The following PTPRN2 variants were observed in gnomAD, a reference collection of about 807,000 sequenced individuals.
PTPRN2 encodes receptor-type tyrosine-protein phosphatase N2.
In PTPRN2, 74 loss-of-function variants were observed where a neutral mutation model predicts 118.8. That is an observed-to-expected ratio of 0.62 (90% confidence interval 0.52 to 0.76). PTPRN2 has a LOEUF of 0.76. Among genes scored for constraint, PTPRN2 ranks in the 30% least tolerant of loss-of-function variants. The pLI is 0.00. For missense variants in PTPRN2, 1,481 were observed against 1,394.4 expected (o/e 1.06, Z -0.99); for synonymous variants, 641 against 608.0 (o/e 1.05, Z -0.80).
At chr7:158,025,416 AC>A (rs768490064) in intron 11 of PTPRN2, among the ~76,000 whole-genome samples, 1 of 152,158 alleles carries the variant, frequency 6.6e-6, no homozygotes, top group Non-Finnish European at 1.5e-5. Flanking sequence ...CTCTCCTGGC[AC>A]CCCCAGCACG....
At position 158,255,064 on chromosome 7, in the gene PTPRN2, T is replaced by C. The variant is rs551281744; in HGVS notation, c.278-49791A>G. Among the ~76,000 whole-genome samples the C allele has an allele frequency of 5.3e-5, 8 of 152,260 alleles. No homozygotes were observed. The South Asian group carries it at 1.7e-3, about 32-fold the overall frequency. ...ACCCACGTCCAGGACCTGTTCTTTG[T>C]ATAGAGGTTCCTGTCTTCTGGTGTT... On this transcript the variant is annotated intron_variant, in intron 3 of 22. Coordinates refer to ENST00000389418, the MANE Select transcript of PTPRN2 (RefSeq NM_002847.5).
At chr7:157,546,139 C>T (rs1415765651) in intron 22 of PTPRN2, among the ~76,000 whole-genome samples, 1 of 152,122 alleles carries the variant, frequency 6.6e-6, no homozygotes, top group Non-Finnish European at 1.5e-5. Flanking sequence ...GTGAACTCCT[C>T]CGGACGCCCA....
Position 158,041,958 on chromosome 7 carries a change from A to G in PTPRN2, c.1723+39340T>C, listed in dbSNP as rs538766028. The stretch of plus-strand genomic sequence containing the variant: ...CCTTGTATCTTGCAACACTCTTAGT[A>G]ATCACATCATTTTGAATTCTTTATG... On this transcript the variant is annotated intron_variant, in intron 11 of 22. Transcript: ENST00000389418. Among the ~76,000 whole-genome samples, 8 of 152,336 alleles carry G rather than the reference A, an allele frequency of 5.3e-5. No homozygotes were observed. The South Asian group carries it at 1.4e-3, about 28-fold the overall frequency.
In PTPRN2 at chr7:157,992,471, C is replaced by A. The variant is rs1435827701; in HGVS notation, c.1723+88827G>T. On this transcript the variant is annotated intron_variant, in intron 11 of 22. Transcript: ENST00000389418. ...TCTGTACTGAGTGGGTCTCTCAGCA[C>A]CACCTCATTCTAACAGGAGGGCTCC... 3.3e-5 allele frequency among the ~76,000 whole-genome samples: 5 copies of A among 152,324 alleles called. No individual in the cohort carries two copies. In the East Asian group the frequency reaches 5.8e-4, roughly 18 times the overall value.
At chr7:158,251,127 A>C (rs1212105095) in intron 3 of PTPRN2, among the ~76,000 whole-genome samples, 3 of 152,210 alleles carry the variant, frequency 2.0e-5, no homozygotes, top group Non-Finnish European at 4.4e-5. Flanking sequence ...GCGTACTGTT[A>C]CTTAGCAGGC....
intron 14 of PTPRN2, among the ~76,000 whole-genome samples, chr7:157,649,322 T>C (rs1314788611): frequency 1.4e-4 from 10 of 71,046 alleles, no homozygotes; most frequent in South Asian, 6.0e-4. Context: ...TCGGACCCAT[T>C]CACTGTGCAC....
chr7:158,337,075 C>G (rs866101488), intron 2 of PTPRN2, among the ~76,000 whole-genome samples: 8 of 136,476 alleles, frequency 5.9e-5, no homozygotes, highest in Non-Finnish European at 1.1e-4. Context: ...AGCTGACACC[C>G]GCAGACGTCA....
At chr7:157,630,948 C>G (rs533743034) in intron 14 of PTPRN2, among the ~76,000 whole-genome samples, 1 of 152,344 alleles carries the variant, frequency 6.6e-6, no homozygotes, top group African/African-American at 2.4e-5. Context: ...GTGGTCAACA[C>G]AGATGAAACT....
chr7:157,830,033 C>G (rs1381365774), intron 12 of PTPRN2, among the ~76,000 whole-genome samples: 2 of 152,182 alleles, frequency 1.3e-5, no homozygotes, highest in Non-Finnish European at 2.9e-5. Flanking sequence ...CCTCTCTCCC[C>G]CGTGTTACCA....
chr7:158,549,424 C>T (rs1263498365), intron 1 of PTPRN2, among the ~76,000 whole-genome samples: 1 of 152,208 alleles, frequency 6.6e-6, no homozygotes, highest in Non-Finnish European at 1.5e-5. Context: ...GAGACTCAGA[C>T]CCAACCCCTG....
chr7:157,848,087 G>A (rs1353560582), intron 12 of PTPRN2, among the ~76,000 whole-genome samples: 4 of 144,082 alleles, frequency 2.8e-5, no homozygotes, highest in African/African-American at 1.0e-4. Context: ...CATGGGTGCC[G>A]TATGTTTACA....
At chr7:157,739,041 C>A (rs1239163983) in intron 12 of PTPRN2, 1 of 152,170 alleles carries the variant, frequency 6.6e-6, no homozygotes, top group Non-Finnish European at 1.5e-5. Context: ...TTCCAAGGAG[C>A]TTTGAGTGGT....
At chr7:158,138,211 T>G in intron 7 of PTPRN2, 83 bp downstream of exon 7, 1 of 1,240,172 alleles carries the variant, frequency 8.1e-7, no homozygotes, top group Non-Finnish European at 1.1e-6. Context: ...TTGCACTTGG[T>G]GAGCCAGCAG....
At chr7:157,970,689 C>G (rs574364053) in intron 11 of PTPRN2, among the ~76,000 whole-genome samples, 2 of 142,558 alleles carry the variant, frequency 1.4e-5, no homozygotes, top group East Asian at 2.5e-4. Flanking sequence ...TCCTGGTGAG[C>G]CTTGGTGGGA....
chr7:158,134,109 G>A (rs1365405418), intron 8 of PTPRN2, 50 bp from the exon 9 acceptor site: 56 of 1,570,692 alleles, frequency 3.6e-5, no homozygotes, highest in Non-Finnish European at 4.5e-5. Context: ...GAATGCTGAT[G>A]TGACACATGC....
Position 157,656,562 on chromosome 7 carries a change from G to T in PTPRN2, c.2002-11C>A, listed in dbSNP as rs552313678. 2.0e-6 allele frequency: 3 copies of T among 1,528,330 alleles called. No homozygotes were observed. The highest frequency in any genetic ancestry group is 2.4e-5 in the East Asian group (1 of 41,018). 94.7% of individuals were successfully genotyped at this position (1,528,330 alleles called of 1,614,324 possible). ...CTGGCGGCACAGCTCCTGCAGGACA[G>T]GGGGAGGAAGAGCAGGGGGTTAGTG... On this transcript the variant is annotated splice_polypyrimidine_tract_variant and intron_variant, in intron 13 of 22. Coordinates refer to ENST00000389418, the MANE Select transcript of PTPRN2 (RefSeq NM_002847.5).
intron 2 of PTPRN2, among the ~76,000 whole-genome samples, chr7:158,476,559 A>G (rs1305053083): frequency 1.3e-5 from 2 of 152,178 alleles, no homozygotes; most frequent in Non-Finnish European, 2.9e-5. Flanking sequence ...CTCGGGAGGG[A>G]GAGGAGAGAG....
intron 9 of PTPRN2, among the ~76,000 whole-genome samples, chr7:158,113,488 GACAATGGTA>G (rs1816459196): frequency 6.6e-6 from 1 of 152,128 alleles, no homozygotes; most frequent in African/African-American, 2.4e-5. Flanking sequence ...GCAGGAGTAG[GACAATGGTA>G]ACAGAACTGG....
intron 11 of PTPRN2, among the ~76,000 whole-genome samples, chr7:158,019,224 C>G (rs549900982): frequency 2.8e-4 from 43 of 152,350 alleles, no homozygotes; most frequent in African/African-American, 1.0e-3. Flanking sequence ...CAGGGGCCTC[C>G]CCGATCCTGG....
Sources: gnomAD v4.1 joint callset for allele counts (sites outside exome capture counted in the v4.1 genomes callset) on GRCh38, gnomAD v4.1.1 for gene constraint, MANE v1.5 for transcripts, NCBI Gene and HGNC (gene_info 2026-07-23, HGNC 2026-07-21) for gene names.